Variants in TMEM117 observed in about 807,000 individuals in gnomAD.
TMEM117 encodes the protein transmembrane protein 117.
Under a neutral mutation model 52.4 loss-of-function variants are expected in TMEM117, and 27 were observed. The observed-to-expected ratio is 0.51, with a 90% CI of 0.38 to 0.71. TMEM117 has a LOEUF of 0.71. Among genes scored for constraint, TMEM117 ranks in the 30% least tolerant of loss-of-function variants. The pLI is 0.00. For missense variants in TMEM117, 556 were observed against 630.5 expected (o/e 0.88, Z 1.26); for synonymous variants, 215 against 206.3 (o/e 1.04, Z -0.36).
At chr12:44,046,219 G>C (rs978341006) in intron 3 of TMEM117, among the ~76,000 whole-genome samples, 1 of 152,166 alleles carries the variant, frequency 6.6e-6, no homozygotes, top group African/African-American at 2.4e-5. Flanking sequence ...CTTAGTTCCA[G>C]AGGGAGGAAC....
intron 3 of TMEM117, among the ~76,000 whole-genome samples, chr12:44,090,312 AC>A (rs1377782272): frequency 1.3e-5 from 2 of 151,256 alleles, no homozygotes; most frequent in African/African-American, 2.4e-5. Context: ...TGGTTTTTCA[AC>A]CCTTGCTCCC....
intron 2 of TMEM117, among the ~76,000 whole-genome samples, chr12:43,938,620 C>T (rs1276699597): frequency 6.6e-6 from 1 of 152,098 alleles, no homozygotes; most frequent in African/African-American, 2.4e-5. Flanking sequence ...CTGGATCAGG[C>T]TTTGCTTGAA....
chr12:43,884,319 A>G (rs1269046321), intron 2 of TMEM117, among the ~76,000 whole-genome samples: 1 of 152,026 alleles, frequency 6.6e-6, no homozygotes, highest in Non-Finnish European at 1.5e-5. Context: ...AGATCAGTAT[A>G]TGAAATAGTA....
At chr12:44,285,557 C>T (rs1950628505) in intron 5 of TMEM117, among the ~76,000 whole-genome samples, 1 of 152,202 alleles carries the variant, frequency 6.6e-6, no homozygotes, top group Non-Finnish European at 1.5e-5. Context: ...CTCGACATTT[C>T]CTGATCTCAA....
intron 4 of TMEM117, among the ~76,000 whole-genome samples, chr12:44,191,963 G>A (rs1949360771): frequency 6.6e-6 from 1 of 152,066 alleles, no homozygotes; most frequent in African/African-American, 2.4e-5. Flanking sequence ...ATGAGCAAAT[G>A]TAAAAGGTCA....
At chr12:43,836,351 A>G (rs909833406) in intron 1 of TMEM117, among the ~76,000 whole-genome samples, 155 bp downstream of exon 1, 2 of 152,168 alleles carry the variant, frequency 1.3e-5, no homozygotes, top group African/African-American at 2.4e-5. Context: ...CGGCCCCCGA[A>G]TTCTCCGGCG....
chr12:43,820,243 G>A, the TMEM117 span, among the ~76,000 whole-genome samples: 6 of 152,070 alleles, frequency 3.9e-5, no homozygotes, highest in South Asian at 4.2e-4. Context: ...GACTACAGGC[G>A]TGCGCCACCA....
At chr12:44,067,879 G>A (rs564332689) in intron 3 of TMEM117, among the ~76,000 whole-genome samples, 5 of 152,100 alleles carry the variant, frequency 3.3e-5, no homozygotes, top group African/African-American at 4.8e-5. Context: ...AGTCTTAGAC[G>A]GCATCTTCTT....
At chr12:44,009,632 A>G (rs545186110) in intron 3 of TMEM117, 1 of 236,308 alleles carries the variant, frequency 4.2e-6, no homozygotes, top group African/African-American at 2.3e-5. Flanking sequence ...CTTCTGGAAC[A>G]CTCGCTTTGG....
At chr12:43,915,107 T>G (rs4768052) in intron 2 of TMEM117, among the ~76,000 whole-genome samples, 119,031 of 152,082 alleles carry the variant, frequency 0.78, 49,074 homozygotes, top group Non-Finnish European at 0.9. Flanking sequence ...TCCACATGGT[T>G]TCAGTATTGA....
intron 3 of TMEM117, among the ~76,000 whole-genome samples, chr12:44,041,194 T>C (rs1386867261): frequency 6.6e-6 from 1 of 151,058 alleles, no homozygotes; most frequent in Non-Finnish European, 1.5e-5. Flanking sequence ...GCTGCACCCA[T>C]TAACTCGTCA....
intron 2 of TMEM117, among the ~76,000 whole-genome samples, chr12:43,890,693 G>A (rs528117843): frequency 1.8e-4 from 28 of 151,998 alleles, no homozygotes; most frequent in African/African-American, 6.5e-4. Flanking sequence ...CACCACACCC[G>A]GCTAGTTTTT....
At chr12:43,827,176 C>T in the TMEM117 span, among the ~76,000 whole-genome samples, 3 of 151,862 alleles carry the variant, frequency 2.0e-5, no homozygotes, top group Non-Finnish European at 4.4e-5. Flanking sequence ...TCTGCCCTGA[C>T]CACCCTTTCT....
chr12:44,284,115 C>A (rs1485498813), intron 5 of TMEM117, among the ~76,000 whole-genome samples: 2 of 152,136 alleles, frequency 1.3e-5, no homozygotes, highest in African/African-American at 4.8e-5. Context: ...GAGATGGAGA[C>A]CATCCTGGCC....
chr12:43,951,730 T>C (rs866772355), intron 3 of TMEM117, among the ~76,000 whole-genome samples: 17 of 152,058 alleles, frequency 1.1e-4, no homozygotes, highest in African/African-American at 4.1e-4. Flanking sequence ...TCTGAAGAGA[T>C]TGATGAGGGC....
At chr12:44,164,496 A>T (rs1399984430) in intron 4 of TMEM117, among the ~76,000 whole-genome samples, 2 of 152,196 alleles carry the variant, frequency 1.3e-5, no homozygotes, top group African/African-American at 2.4e-5. Flanking sequence ...ACTTAGTTTA[A>T]TGGCCTCCAG....
In TMEM117 at chr12:43,931,163, A is replaced by C. The variant is rs569239982; in HGVS notation, c.278-13047A>C. ...TAGTTTGTGTCCCTACAAGGCAAAA[A>C]CACAAAACCTTGTCATTTATTTGCC... On this transcript the variant is annotated intron_variant, in intron 2 of 7. Transcript: ENST00000266534. Among the ~76,000 whole-genome samples the C allele has an allele frequency of 1.0e-3, 154 of 152,308 alleles. 1 individual carries two copies. Among genetic ancestry groups the C allele is most frequent in the African/African-American group, 3.2e-3 (135 of 41,564 alleles).
intron 5 of TMEM117, among the ~76,000 whole-genome samples, chr12:44,240,795 T>G (rs1006207401): frequency 1.3e-5 from 2 of 152,108 alleles, no homozygotes; most frequent in Non-Finnish European, 2.9e-5. Context: ...TTAAGTTGTT[T>G]TCAGATGTTT....
intron 4 of TMEM117, among the ~76,000 whole-genome samples, chr12:44,207,867 ATAGTG>A (rs1443509883): frequency 6.6e-6 from 1 of 152,036 alleles, no homozygotes; most frequent in African/African-American, 2.4e-5. Flanking sequence ...GGCTCTGGAA[ATAGTG>A]CACATAATGG....
Sources: allele counts gnomAD v4.1 joint callset (sites outside exome capture counted in the v4.1 genomes callset), GRCh38; gene constraint gnomAD v4.1.1; transcripts MANE v1.5; gene names NCBI Gene and HGNC (gene_info 2026-07-23, HGNC 2026-07-21).